IGF2BP2: variants seen among roughly 807,000 people sequenced by gnomAD.
IGF2BP2 encodes the protein insulin like growth factor 2 mRNA binding protein 2, also known as insulin-like growth factor 2 mRNA-binding protein 2.
Under a neutral mutation model 75.8 loss-of-function variants are expected in IGF2BP2, and 17 were observed. That is an observed-to-expected ratio of 0.22 (90% CI 0.15 to 0.34). The LOEUF (loss-of-function observed/expected upper bound fraction) is 0.34. IGF2BP2 is among the 10% of genes least tolerant of loss of function. The pLI is 1.00. For missense variants in IGF2BP2, 516 were observed against 772.4 expected, an observed-to-expected ratio of 0.67 and a Z score of 3.93; for synonymous variants, 288 against 295.6, an observed-to-expected ratio of 0.97 and a Z score of 0.26.
Position 185,824,790 on chromosome 3 carries a change from G to A in IGF2BP2, c.171C>T (p.Thr57=). The change falls in exon 1 of 16, where the codon ACC becomes ACT. Residue 57 remains threonine, a synonymous_variant. Transcript: ENST00000382199. The part of the protein sequence containing the change: ...DQNWAIRAIE[T]LSGKVELHGK... ...GCCGCGCTGAGTGCTCACCCGAGAG[G>A]GTCTCGATGGCGCGGATGGCCCAGT... The A allele has an allele frequency of 7.0e-7, 1 of 1,425,530 alleles. No individual in the cohort carries two copies. The allele number at this position is 1,425,530 out of a possible 1,614,324, so 88.3% of individuals were successfully genotyped here.
At chr3:185,746,569 CA>C (rs1560401529) in intron 2 of IGF2BP2, among the ~76,000 whole-genome samples, 1 of 152,140 alleles carries the variant, frequency 6.6e-6, no homozygotes, top group Non-Finnish European at 1.5e-5. Flanking sequence ...GCTTCTGGAT[CA>C]AAAAAGCCAG....
chr3:185,735,363 C>A (rs564845546), intron 2 of IGF2BP2, among the ~76,000 whole-genome samples: 44 of 152,284 alleles, frequency 2.9e-4, no homozygotes, highest in Non-Finnish European at 5.6e-4. Flanking sequence ...CCAGGCTGGT[C>A]TTGAACTCCT....
intron 2 of IGF2BP2, among the ~76,000 whole-genome samples, chr3:185,710,110 A>T (rs1195274940): frequency 6.7e-6 from 1 of 150,188 alleles, no homozygotes; most frequent in Non-Finnish European, 1.5e-5. Flanking sequence ...AGAGTTGGTT[A>T]CTCAATCCAA....
At chr3:185,651,107 C>T (rs922415450) in intron 13 of IGF2BP2, among the ~76,000 whole-genome samples, 8 of 152,024 alleles carry the variant, frequency 5.3e-5, no homozygotes, top group Admixed American at 2.0e-4. Context: ...ATGGGGGTCT[C>T]ACTGTGTTGC....
At chr3:185,735,892 T>C (rs1684157049) in intron 2 of IGF2BP2, among the ~76,000 whole-genome samples, 1 of 152,130 alleles carries the variant, frequency 6.6e-6, no homozygotes, top group Non-Finnish European at 1.5e-5. Context: ...GGGGGTGGGA[T>C]AGTGACACCA....
chr3:185,733,551 G>GT (rs1728462135), intron 2 of IGF2BP2, among the ~76,000 whole-genome samples: 1 of 152,212 alleles, frequency 6.6e-6, no homozygotes, highest in African/African-American at 2.4e-5. Flanking sequence ...GAGGTCGGGA[G>GT]TTCGAGACCA....
chr3:185,649,345 G>GC, intron 14 of IGF2BP2, 58 bp downstream of exon 14: 1 of 1,597,190 alleles, frequency 6.3e-7, no homozygotes, highest in East Asian at 2.2e-5. Flanking sequence ...GGGAACTCAG[G>GC]CAAGGCCAGA....
intron 2 of IGF2BP2, among the ~76,000 whole-genome samples, chr3:185,790,391 A>C (rs151286952): frequency 2.5e-3 from 381 of 152,314 alleles, no homozygotes; most frequent in African/African-American, 8.5e-3. Flanking sequence ...GGAAGAAGTG[A>C]CTGGGCTTCA....
intron 2 of IGF2BP2, among the ~76,000 whole-genome samples, chr3:185,706,094 C>T (rs919182370): frequency 4.6e-5 from 7 of 152,208 alleles, no homozygotes; most frequent in Non-Finnish European, 7.3e-5. Flanking sequence ...TGGAGCCGGA[C>T]GTCGTGGCTC....
intron 2 of IGF2BP2, among the ~76,000 whole-genome samples, chr3:185,703,920 G>T (rs572611566): frequency 4.7e-4 from 72 of 152,300 alleles, no homozygotes; most frequent in African/African-American, 1.7e-3. Context: ...TGGTTATGCT[G>T]TGGGTCTGAC....
chr3:185,772,136 T>A (rs755208205), intron 2 of IGF2BP2, among the ~76,000 whole-genome samples: 2 of 152,330 alleles, frequency 1.3e-5, no homozygotes, highest in African/African-American at 4.8e-5. Context: ...CTAAATTGTT[T>A]GCTCTACAAG....
chr3:185,714,307 A>G (rs935900530), intron 2 of IGF2BP2, among the ~76,000 whole-genome samples: 3 of 152,214 alleles, frequency 2.0e-5, no homozygotes, highest in African/African-American at 7.2e-5. Flanking sequence ...ACTGATGGAC[A>G]CAAGATGTTT....
chr3:185,648,499 A>G (rs976448093), intron 14 of IGF2BP2, among the ~76,000 whole-genome samples: 1 of 151,860 alleles, frequency 6.6e-6, no homozygotes, highest in Non-Finnish European at 1.5e-5. Context: ...AAAAACAGCA[A>G]ATAACACACA....
chr3:185,790,756 A>G (rs1194220224), intron 2 of IGF2BP2, among the ~76,000 whole-genome samples: 2 of 152,224 alleles, frequency 1.3e-5, no homozygotes, highest in East Asian at 3.8e-4. Context: ...GCCTTAATAG[A>G]AAACTCAGAA....
intron 2 of IGF2BP2, among the ~76,000 whole-genome samples, chr3:185,800,061 AATG>A (rs1266331509): frequency 6.6e-6 from 1 of 152,218 alleles, no homozygotes; most frequent in Non-Finnish European, 1.5e-5. Flanking sequence ...GGATTAAGAA[AATG>A]TGGCACATAT....
chr3:185,804,492 T>C (rs1188229358), intron 2 of IGF2BP2, among the ~76,000 whole-genome samples: 2 of 152,112 alleles, frequency 1.3e-5, no homozygotes, highest in Non-Finnish European at 2.9e-5. Flanking sequence ...ACTGATAAGC[T>C]GAATATAAGT....
chr3:185,824,757 G>T (rs766385694), intron 1 of IGF2BP2, 26 bp downstream of exon 1: 1 of 1,297,202 alleles, frequency 7.7e-7, no homozygotes, highest in Non-Finnish European at 1.0e-6. Context: ...GCGAGGCGGG[G>T]GGAGGGGGCC....
chr3:185,747,296 C>A (rs1730369153), intron 2 of IGF2BP2, among the ~76,000 whole-genome samples: 1 of 152,130 alleles, frequency 6.6e-6, no homozygotes, highest in African/African-American at 2.4e-5. Context: ...ATCACTTTTT[C>A]TCACTATCCT....
chr3:185,729,190 C>A (rs1053599152), intron 2 of IGF2BP2, among the ~76,000 whole-genome samples: 1 of 151,806 alleles, frequency 6.6e-6, no homozygotes, highest in African/African-American at 2.4e-5. Context: ...ATGCAGAAAA[C>A]ACTATTGCTG....
Sources: allele counts gnomAD v4.1 joint callset (sites outside exome capture counted in the v4.1 genomes callset), GRCh38; gene constraint gnomAD v4.1.1; transcripts MANE v1.5; gene names NCBI Gene and HGNC (gene_info 2026-07-23, HGNC 2026-07-21).